Variants in CD86 observed in about 807,000 individuals in gnomAD.
CD86 encodes the protein CD86 molecule, also known as T-lymphocyte activation antigen CD86.
Under a neutral mutation model 32.1 loss-of-function variants are expected in CD86, and 11 were observed. That is an observed-to-expected ratio of 0.34 (90% CI 0.22 to 0.57). CD86 has a LOEUF of 0.57. Among genes scored for constraint, CD86 ranks in the 20% least tolerant of loss-of-function variants. CD86 has a pLI of 0.86. For missense variants in CD86, 359 were observed against 398.4 expected, an observed-to-expected ratio of 0.90 and a Z score of 0.84; for synonymous variants, 137 against 135.3, an observed-to-expected ratio of 1.01 and a Z score of -0.09.
At chr3:122,083,018 T>C (rs190643554) in intron 1 of CD86, among the ~76,000 whole-genome samples, 2 of 152,318 alleles carry the variant, frequency 1.3e-5, no homozygotes, top group Admixed American at 6.5e-5. Flanking sequence ...CCCATATTGA[T>C]CTATCACCAT....
At position 122,097,746 on chromosome 3, in the gene CD86, G is replaced by T. The variant is rs368019054; in HGVS notation, c.65-5766G>T. Among the ~76,000 whole-genome samples, 4 of 152,032 alleles carry T rather than the reference G, an allele frequency of 2.6e-5. No individual in the cohort carries two copies. In the East Asian group the frequency reaches 7.7e-4, roughly 29 times the overall value. The stretch of plus-strand genomic sequence containing the variant: ...AATAGTGTCTTTAGGGCTAGGAGTG[G>T]AAAAAATACTAGGTACTGAGTCAGA... On this transcript the variant is annotated intron_variant, in intron 2 of 6. Coordinates refer to ENST00000330540, the MANE Select transcript of CD86 (RefSeq NM_175862.5).
At chr3:122,097,033 T>G (rs1343802495) in intron 2 of CD86, among the ~76,000 whole-genome samples, 1 of 152,214 alleles carries the variant, frequency 6.6e-6, no homozygotes, top group African/African-American at 2.4e-5. Flanking sequence ...CCAAAAAGGT[T>G]GTACCAATTT....
intron 5 of CD86, among the ~76,000 whole-genome samples, chr3:122,110,307 A>C (rs1478456469): frequency 6.6e-6 from 1 of 152,190 alleles, no homozygotes; most frequent in Non-Finnish European, 1.5e-5. Flanking sequence ...TCTGTTATAA[A>C]AATGTTTCAT....
At chr3:122,101,083 C>T (rs1273958056) in intron 2 of CD86, among the ~76,000 whole-genome samples, 3 of 152,108 alleles carry the variant, frequency 2.0e-5, no homozygotes, top group Non-Finnish European at 2.9e-5. Context: ...TTCAGTTCCA[C>T]TCAGAATGGA....
intron 1 of CD86, among the ~76,000 whole-genome samples, chr3:122,078,618 A>G (rs1304946965): frequency 6.6e-6 from 1 of 152,220 alleles, no homozygotes. Context: ...GATCTAATTT[A>G]AAAAGAAATA....
intron 1 of CD86, among the ~76,000 whole-genome samples, chr3:122,063,358 C>T (rs975172186): frequency 6.6e-5 from 10 of 151,744 alleles, no homozygotes; most frequent in Non-Finnish European, 1.2e-4. Flanking sequence ...ACAAGAGCTA[C>T]GGAAACATAT....
intron 1 of CD86, among the ~76,000 whole-genome samples, chr3:122,071,879 CT>C (rs1456536799): frequency 1.9e-5 from 2 of 105,168 alleles, no homozygotes; most frequent in Admixed American, 2.2e-4. Flanking sequence ...TCCCTCCCCC[CT>C]CCCCCCACCC....
At chr3:122,061,652 C>T (rs546029846) in intron 1 of CD86, among the ~76,000 whole-genome samples, 5 of 152,296 alleles carry the variant, frequency 3.3e-5, no homozygotes, top group African/African-American at 1.2e-4. Context: ...CACTACCTAC[C>T]TATAAAAATG....
rs114578625 is a variant in CD86, at chr3:122,085,643, G to A, written c.15-5958G>A. Among the ~76,000 whole-genome samples, 1,093 of 152,328 alleles carry A rather than the reference G, an allele frequency of 7.2e-3. 20 individuals carry two copies. The highest frequency in any genetic ancestry group is 0.024 in the African/African-American group (1,016 of 41,566). On this transcript the variant is annotated intron_variant, in intron 1 of 6. Coordinates refer to ENST00000330540, the MANE Select transcript of CD86 (RefSeq NM_175862.5). ...CTTTGTGTCTGAGGTCTGAAGGAGC[G>A]TGTGGGCTCTTGTTCAGGCAAAGGG...
At chr3:122,069,511 A>T (rs1417420532) in intron 1 of CD86, among the ~76,000 whole-genome samples, 1 of 152,124 alleles carries the variant, frequency 6.6e-6, no homozygotes, top group Non-Finnish European at 1.5e-5. Flanking sequence ...AGGTGTTGAG[A>T]TACACGACAG....
chr3:122,116,631 C>A (rs1452208709), intron 5 of CD86, among the ~76,000 whole-genome samples: 1 of 151,326 alleles, frequency 6.6e-6, no homozygotes, highest in East Asian at 1.9e-4. Flanking sequence ...CAGCTTGCTT[C>A]ATAATACCAA....
chr3:122,077,696 C>G (rs979756728), intron 1 of CD86: 1 of 886,630 alleles, frequency 1.1e-6, no homozygotes, highest in African/African-American at 1.8e-5. Flanking sequence ...GGATGGGGCT[C>G]CCTTTGGGGG....
chr3:122,084,783 T>C (rs1456047184), intron 1 of CD86, among the ~76,000 whole-genome samples: 1 of 152,152 alleles, frequency 6.6e-6, no homozygotes, highest in Non-Finnish European at 1.5e-5. Context: ...CCTTGTACTG[T>C]ATTCTATGGT....
chr3:122,109,150 C>A, intron 4 of CD86, 115 bp from the exon 5 acceptor site: 2 of 1,085,142 alleles, frequency 1.8e-6, no homozygotes, highest in Non-Finnish European at 2.6e-6. Context: ...TTTCAGGCTT[C>A]TCTGGCCTTA....
chr3:122,069,030 G>T (rs571313062), intron 1 of CD86, among the ~76,000 whole-genome samples: 1 of 152,304 alleles, frequency 6.6e-6, no homozygotes, highest in African/African-American at 2.4e-5. Context: ...CAACTAGCTA[G>T]AATCTACCTC....
chr3:122,090,192 T>A (rs533294130), intron 1 of CD86, among the ~76,000 whole-genome samples: 100 of 152,132 alleles, frequency 6.6e-4, no homozygotes, highest in Non-Finnish European at 1.0e-3. Flanking sequence ...CAAAAATATT[T>A]ATTAAAAAAA....
Position 122,109,419 on chromosome 3 carries a change from C to T in CD86, c.847+11C>T. On this transcript the variant is annotated intron_variant, in intron 5 of 6. Transcript: ENST00000330540. ...ACTCTTATAAATGTGGTGAGTGAGT[C>T]CTTGTCCTCCCCACAGACTGTCACT... is the stretch of plus-strand genomic sequence containing the variant. 1 of 1,613,764 alleles carries T rather than the reference C, an allele frequency of 6.2e-7. No homozygotes were observed. Among genetic ancestry groups the T allele is most frequent in the Non-Finnish European group, 8.5e-7 (1 of 1,179,748 alleles).
intron 3 of CD86, among the ~76,000 whole-genome samples, 172 bp downstream of exon 3, chr3:122,104,019 C>T (rs900199048): frequency 5.9e-5 from 9 of 151,878 alleles, no homozygotes; most frequent in African/African-American, 2.2e-4. Flanking sequence ...AGTGTAGAGT[C>T]TGGGAGTAGG....
At chr3:122,081,548 G>A (rs1229930201) in intron 1 of CD86, among the ~76,000 whole-genome samples, 1 of 152,212 alleles carries the variant, frequency 6.6e-6, no homozygotes, top group Non-Finnish European at 1.5e-5. Context: ...GCCTTTCAAG[G>A]ACAGAGGACG....
Sources: gnomAD v4.1 joint callset for allele counts (sites outside exome capture counted in the v4.1 genomes callset) on GRCh38, gnomAD v4.1.1 for gene constraint, MANE v1.5 for transcripts, NCBI Gene and HGNC (gene_info 2026-07-23, HGNC 2026-07-21) for gene names.